TSPAN18: variants seen among roughly 807,000 people sequenced by gnomAD.
The protein encoded by TSPAN18 is tetraspanin 18.
In TSPAN18, 14 loss-of-function variants were observed where a neutral mutation model predicts 27.3. The ratio of observed to expected loss-of-function variants is 0.51; its 90% CI spans 0.34 to 0.80. The LOEUF (loss-of-function observed/expected upper bound fraction) is 0.80. Among genes scored for constraint, TSPAN18 ranks in the 30% least tolerant of loss-of-function variants. The pLI is 0.01. For missense variants in TSPAN18, 268 were observed against 323.9 expected, an observed-to-expected ratio of 0.83 and a Z score of 1.32; for synonymous variants, 143 against 136.5, an observed-to-expected ratio of 1.05 and a Z score of -0.33.
chr11:44,788,261 A>G (rs1365035343), intron 2 of TSPAN18, among the ~76,000 whole-genome samples: 2 of 152,080 alleles, frequency 1.3e-5, no homozygotes, highest in African/African-American at 4.8e-5. Flanking sequence ...GCACTGCTCA[A>G]TGGAACTTTC....
intron 3 of TSPAN18, among the ~76,000 whole-genome samples, chr11:44,884,097 GC>G (rs1317645340): frequency 6.6e-6 from 1 of 152,138 alleles, no homozygotes; most frequent in East Asian, 1.9e-4. Flanking sequence ...CCTCCTCTCT[GC>G]CCCAGGTCTG....
intron 8 of TSPAN18, 32 bp from the exon 9 acceptor site, chr11:44,926,642 C>A: frequency 1.2e-6 from 2 of 1,601,454 alleles, no homozygotes; most frequent in Non-Finnish European, 1.7e-6. Context: ...TCAACCCTGG[C>A]CATAGCTTGA....
At chr11:44,848,970 C>T (rs915412641) in intron 2 of TSPAN18, among the ~76,000 whole-genome samples, 4 of 152,186 alleles carry the variant, frequency 2.6e-5, no homozygotes, top group African/African-American at 7.2e-5. Context: ...GCCATGTAGG[C>T]GTTGCAAGTG....
chr11:44,882,585 GAGACACACACACACACACAC>G (rs1858519488), intron 3 of TSPAN18, among the ~76,000 whole-genome samples: 2 of 92,554 alleles, frequency 2.2e-5, no homozygotes, highest in East Asian at 5.3e-4. Flanking sequence ...GTCAGAGAGA[GAGACACACACACACACACAC>G]ACACACACAC....
At chr11:44,852,836 C>T (rs1347588549) in intron 2 of TSPAN18, among the ~76,000 whole-genome samples, 1 of 152,182 alleles carries the variant, frequency 6.6e-6, no homozygotes, top group Non-Finnish European at 1.5e-5. Context: ...AGATGGTCTG[C>T]AAATGAACTG....
At chr11:44,781,632 A>G (rs570646606) in intron 2 of TSPAN18, among the ~76,000 whole-genome samples, 30 of 152,298 alleles carry the variant, frequency 2.0e-4, no homozygotes, top group African/African-American at 7.2e-4. Context: ...AGGACTCTGG[A>G]GTCTTTTAAC....
chr11:44,733,176 T>G (rs1340757421), intron 1 of TSPAN18, among the ~76,000 whole-genome samples: 1 of 152,220 alleles, frequency 6.6e-6, no homozygotes. Context: ...GGATATTTGA[T>G]GAGCACTAAG....
chr11:44,850,149 C>T (rs955421419), intron 2 of TSPAN18, among the ~76,000 whole-genome samples: 1 of 152,156 alleles, frequency 6.6e-6, no homozygotes, highest in African/African-American at 2.4e-5. Context: ...GCTCCTGCTC[C>T]CCAGGGCCCG....
chr11:44,860,066 A>C (rs900185123), intron 2 of TSPAN18, among the ~76,000 whole-genome samples: 3 of 152,214 alleles, frequency 2.0e-5, no homozygotes, highest in Admixed American at 6.5e-5. Flanking sequence ...ACTGTGCTAG[A>C]TGCAGGGGTT....
At chr11:44,740,693 A>G (rs190908655) in intron 1 of TSPAN18, among the ~76,000 whole-genome samples, 4 of 152,326 alleles carry the variant, frequency 2.6e-5, no homozygotes, top group Non-Finnish European at 4.4e-5. Context: ...ATTGTTCCTC[A>G]AATGGAGTGA....
intron 2 of TSPAN18, among the ~76,000 whole-genome samples, chr11:44,833,210 A>T (rs1857190908): frequency 6.6e-6 from 1 of 152,008 alleles, no homozygotes; most frequent in African/African-American, 2.4e-5. Context: ...CCTGGGTTCA[A>T]ATGCTAGCTT....
intron 3 of TSPAN18, among the ~76,000 whole-genome samples, chr11:44,880,366 C>G (rs931692923): frequency 1.1e-4 from 16 of 151,994 alleles, no homozygotes; most frequent in Admixed American, 7.2e-4. Flanking sequence ...CTCTGTTAGC[C>G]TCTCCCAAGC....
intron 1 of TSPAN18, among the ~76,000 whole-genome samples, chr11:44,733,681 C>T (rs1854719229): frequency 6.6e-6 from 1 of 152,146 alleles, no homozygotes; most frequent in Admixed American, 6.5e-5. Context: ...TGAGGTGAGA[C>T]AAGCCAGAGT....
intron 2 of TSPAN18, among the ~76,000 whole-genome samples, chr11:44,836,105 C>T (rs946950565): frequency 2.0e-5 from 3 of 152,080 alleles, no homozygotes; most frequent in East Asian, 1.9e-4. Context: ...AAGGAGGAGT[C>T]GCATATCTCT....
At chr11:44,807,768 G>A (rs941254947) in intron 2 of TSPAN18, among the ~76,000 whole-genome samples, 2 of 152,176 alleles carry the variant, frequency 1.3e-5, no homozygotes, top group African/African-American at 2.4e-5. Context: ...GTCACCTAAT[G>A]CCTTTGGACA....
At chr11:44,897,781 C>T (rs573385976) in intron 3 of TSPAN18, 14 of 1,289,240 alleles carry the variant, frequency 1.1e-5, no homozygotes, top group Non-Finnish European at 1.4e-5. Flanking sequence ...ATACACAAGC[C>T]TCGCTGACGG....
chr11:44,736,197 C>T (rs1051929727), intron 1 of TSPAN18: 7 of 152,204 alleles, frequency 4.6e-5, no homozygotes, highest in African/African-American at 1.7e-4. Flanking sequence ...TCCTGAGCAT[C>T]AAAGGAGGTG....
intron 8 of TSPAN18, among the ~76,000 whole-genome samples, chr11:44,924,086 C>G (rs1398178192): frequency 1.6e-5 from 2 of 127,522 alleles, no homozygotes; most frequent in African/African-American, 6.8e-5. Context: ...TTCTCCTGTC[C>G]CCTTCTGGGG....
chr11:44,838,036 G>A (rs1364652715), intron 2 of TSPAN18, among the ~76,000 whole-genome samples: 1 of 152,118 alleles, frequency 6.6e-6, no homozygotes, highest in Admixed American at 6.5e-5. Context: ...TTTGGGTGGT[G>A]GGGTACAAGA....
Sources: gnomAD v4.1 joint callset for allele counts (sites outside exome capture counted in the v4.1 genomes callset) on GRCh38, gnomAD v4.1.1 for gene constraint, MANE v1.5 for transcripts, NCBI Gene and HGNC (gene_info 2026-07-23, HGNC 2026-07-21) for gene names.